RNF31: variants seen among roughly 807,000 people sequenced by gnomAD.
The protein encoded by RNF31 is ring finger protein 31.
RNF31 carries 38 observed loss-of-function variants against 133.6 expected under a neutral mutation model. That is an observed-to-expected ratio of 0.28 (90% CI 0.22 to 0.37). The LOEUF (loss-of-function observed/expected upper bound fraction) is 0.37, where lower values mean the gene tolerates loss of function less well. Among genes scored for constraint, RNF31 ranks in the 10% least tolerant of loss-of-function variants. RNF31 has a pLI of 1.00. For synonymous variants in RNF31, 582 were observed against 552.3 expected, an observed-to-expected ratio of 1.05 and a Z score of -0.75; for missense variants, 1,118 against 1,394.1, an observed-to-expected ratio of 0.80 and a Z score of 3.15.
intron 11 of RNF31, chr14:24,154,818 C>A: frequency 5.7e-6 from 2 of 350,828 alleles, no homozygotes; most frequent in South Asian, 6.4e-5. Context: ...TAGTTATACC[C>A]TTCTGCCCCC....
At position 24,158,198 on chromosome 14, in the gene RNF31, A is replaced by G; in HGVS notation, c.2898A>G (p.Gly966=). 2 of 1,614,078 alleles carry G rather than the reference A, an allele frequency of 1.2e-6. No homozygotes were observed. The highest frequency in any genetic ancestry group is 1.7e-6 in the Non-Finnish European group (2 of 1,179,930). The change falls in exon 18 of 21, where the codon GGA becomes GGG. Residue 966 remains glycine, a splice_region_variant and synonymous_variant. Transcript: ENST00000324103. Reference sequence around the variant, plus strand: ...CAGCTGGGGCCCGGGCAGTCCCTGGAGGTGAGTGTTAGGACAAGCCTTTGA... The same window carrying G: ...CAGCTGGGGCCCGGGCAGTCCCTGGGGGTGAGTGTTAGGACAAGCCTTTGA... ...EPPAGARAVP[G]GGCRVIEQKE...
At position 24,155,764 on chromosome 14, in the gene RNF31, T is replaced by G; in HGVS notation, c.2493+72T>G. ...GGTACTGTGTTAGACTCAGGGGAGT[T>G]TGTGTACTGGAGAGCAAAACAGACA... On this transcript the variant is annotated intron_variant, in intron 14 of 20. Coordinates refer to ENST00000324103, the MANE Select transcript of RNF31 (RefSeq NM_017999.5). The surrounding 1 kb of genome is among the most constrained non-coding windows in gnomAD (Gnocchi z 4.9). 3 of 1,384,188 alleles carry G rather than the reference T, an allele frequency of 2.2e-6. No individual in the cohort carries two copies. The African/African-American group carries it at 4.2e-5, about 20-fold the overall frequency. The allele number at this position is 1,384,188 out of a possible 1,614,324, so 85.7% of individuals were successfully genotyped here. A position where few individuals can be genotyped will look rare whatever the true frequency, so the allele number is the denominator to read the frequency against.
At position 24,151,643 on chromosome 14, in the gene RNF31, C is replaced by T. The variant is rs911223059; in HGVS notation, c.1896C>T (p.Thr632=). The change falls in exon 10 of 21, where the codon ACC becomes ACT. Residue 632 remains threonine (T), a synonymous_variant. Coordinates refer to ENST00000324103, the MANE Select transcript of RNF31 (RefSeq NM_017999.5). The surrounding 1 kb of genome is among the most constrained non-coding windows in gnomAD (Gnocchi z 5.3). Reference sequence around the variant, plus strand: ...TCTGGGACAGTGGCCCTGAGCCCACCCCTTCCTGGGATGGGCCAGACAAGC... The same window carrying T: ...TCTGGGACAGTGGCCCTGAGCCCACTCCTTCCTGGGATGGGCCAGACAAGC... ...QRLWDSGPEP[T]PSWDGPDKQS... 7 of 1,612,086 alleles carry T rather than the reference C, an allele frequency of 4.3e-6. No individual in the cohort carries two copies. In the South Asian group the frequency reaches 4.4e-5, roughly 10 times the overall value.
Position 24,148,238 on chromosome 14 carries a change from C to T in RNF31, c.340-20C>T. The T allele has an allele frequency of 6.2e-7, 1 of 1,614,020 alleles. No individual in the cohort carries two copies. The highest frequency in any genetic ancestry group is 8.5e-7 in the Non-Finnish European group (1 of 1,179,968). ...AGGCAGGAAACCTCCTGGGTGGTGACTCGTTTGAATGTGTGGCAGGGGGGC... is the reference window on the plus strand; with the variant it reads ...AGGCAGGAAACCTCCTGGGTGGTGATTCGTTTGAATGTGTGGCAGGGGGGC... On this transcript the variant is annotated intron_variant, in intron 2 of 20. Coordinates refer to ENST00000324103, the MANE Select transcript of RNF31 (RefSeq NM_017999.5).
At chr14:24,152,479 A>G (rs1329735137) in intron 11 of RNF31, among the ~76,000 whole-genome samples, 5 of 151,964 alleles carry the variant, frequency 3.3e-5, no homozygotes, top group Admixed American at 6.6e-5. Context: ...CTGGAGTGCA[A>G]TGGCGTGATC....
Position 24,155,084 on chromosome 14 carries a change from C to A in RNF31, c.2131-73C>A. On this transcript the variant is annotated intron_variant, in intron 11 of 20. Coordinates refer to ENST00000324103, the MANE Select transcript of RNF31 (RefSeq NM_017999.5). The surrounding 1 kb of genome is among the most constrained non-coding windows in gnomAD (Gnocchi z 4.9). ...TAGACCCTGATTTCTTAGTGGACAC[C>A]TGGCCACTGCCTCTTCCCTAGCCTG... is the stretch of plus-strand genomic sequence containing the variant. 1 of 1,460,528 alleles carries A rather than the reference C, an allele frequency of 6.8e-7. No homozygotes were observed. Among genetic ancestry groups the A allele is most frequent in the Non-Finnish European group, 9.5e-7 (1 of 1,057,196 alleles). The allele number at this position is 1,460,528 out of a possible 1,614,324, so 90.5% of individuals were successfully genotyped here.
chr14:24,151,020 T>C lies in RNF31; in HGVS notation c.1489-111T>C. On this transcript the variant is annotated intron_variant, in intron 8 of 20. Coordinates refer to ENST00000324103, the MANE Select transcript of RNF31 (RefSeq NM_017999.5). This position sits in a 1 kb window ranked among gnomAD's most constrained non-coding sequence, Gnocchi z 5.3. ...CTGTTACTGAGGCAGTTACCATTGCTGTACACTGATGACATGATCCATATG... is the reference window on the plus strand; with the variant it reads ...CTGTTACTGAGGCAGTTACCATTGCCGTACACTGATGACATGATCCATATG... 6.5e-7 allele frequency: 1 copy of C among 1,538,714 alleles called. No individual in the cohort carries two copies. Among genetic ancestry groups the C allele is most frequent in the Non-Finnish European group, 8.8e-7 (1 of 1,136,548 alleles).
Position 24,151,060 on chromosome 14 carries a change from C to A in RNF31, c.1489-71C>A. On this transcript the variant is annotated intron_variant, in intron 8 of 20. Coordinates refer to ENST00000324103, the MANE Select transcript of RNF31 (RefSeq NM_017999.5). This position sits in a 1 kb window ranked among gnomAD's most constrained non-coding sequence, Gnocchi z 5.3. ...TGATCCATATGTCTGAGCTGAGCCA[C>A]TGTCACCATCTTAGTTCAGGCTGAG... The A allele has an allele frequency of 6.3e-7, 1 of 1,591,928 alleles. No individual in the cohort carries two copies. The highest frequency in any genetic ancestry group is 8.6e-7 in the Non-Finnish European group (1 of 1,167,290).
At chr14:24,156,781 A>C (rs138554002) in intron 14 of RNF31, among the ~76,000 whole-genome samples, 6,611 of 151,832 alleles carry the variant, frequency 0.044, 477 homozygotes, top group African/African-American at 0.15. Flanking sequence ...TCCATCTCAA[A>C]AAAAAAAAAA....
chr14:24,148,595 T>C lies in RNF31; in HGVS notation c.496-47T>C. On this transcript the variant is annotated intron_variant, in intron 3 of 20. Coordinates refer to ENST00000324103, the MANE Select transcript of RNF31 (RefSeq NM_017999.5). ...GGACCAGGGCTTAGAGGGAGGGCTT[T>C]GTTCTAGGGGTCTAGCTGGAAACCG... The C allele has an allele frequency of 1.9e-6, 3 of 1,606,502 alleles. No homozygotes were observed. The East Asian group carries it at 6.7e-5, about 36-fold the overall frequency.
Position 24,150,080 on chromosome 14 carries a change from C to A in RNF31, c.829C>A (p.Pro277Thr). The change falls in exon 7 of 21, where the codon CCA becomes ACA. Residue 277 changes from proline to threonine, a missense_variant. Physicochemically the swap from Pro to Thr is conservative, Grantham distance 38 (BLOSUM62 -1). Transcript: ENST00000324103. Reference sequence around the variant, plus strand: ...TTACAGTTTACCTGCCTCAGCCCAACCACGGCCCCAGTCGACCTCCCTGCT... The same window carrying A: ...TTACAGTTTACCTGCCTCAGCCCAAACACGGCCCCAGTCGACCTCCCTGCT... ...LSPSLPASAQPRPQSTSLLAL... is the reference protein window; with the variant it reads ...LSPSLPASAQTRPQSTSLLAL... 6.3e-7 allele frequency: 1 copy of A among 1,588,448 alleles called. No individual in the cohort carries two copies. The highest frequency in any genetic ancestry group is 8.6e-7 in the Non-Finnish European group (1 of 1,164,684).
intron 14 of RNF31, 30 bp from the exon 15 acceptor site, chr14:24,157,260 C>G (rs1224220760): frequency 6.5e-7 from 1 of 1,548,860 alleles, no homozygotes; most frequent in South Asian, 1.2e-5. Context: ...GGATAGAGCT[C>G]CCATGTGAAG....
chr14:24,149,719 A>G (rs2038234013), intron 6 of RNF31, 136 bp downstream of exon 6: 4 of 915,914 alleles, frequency 4.4e-6, no homozygotes, highest in South Asian at 1.7e-5. Context: ...TGAAAGAGAT[A>G]ATAGACATAC....
chr14:24,154,298 C>T (rs1594379664), intron 11 of RNF31, among the ~76,000 whole-genome samples: 5 of 152,350 alleles, frequency 3.3e-5, no homozygotes, highest in Admixed American at 3.3e-4. Context: ...GCTGGGATTA[C>T]AGGCATGCGC....
At position 24,151,194 on chromosome 14, in the gene RNF31, G is replaced by C. The variant is rs763406899; in HGVS notation, c.1552G>C (p.Glu518Gln). ...CTCGGCTCTGCAGTACTCGGGCACTGAGGTGCCTCTGCAGTGGTTGCGCTC... is the reference window on the plus strand; with the variant it reads ...CTCGGCTCTGCAGTACTCGGGCACTCAGGTGCCTCTGCAGTGGTTGCGCTC... ...IFSALQYSGT[E>Q]VPLQWLRSEL... The change falls in exon 9 of 21, where the codon GAG (glutamate) becomes CAG (glutamine). Residue 518 changes from glutamate to glutamine, a missense_variant. Around this residue, in one of 3 missense-constraint regions of RNF31, gnomAD observed 747 missense variants for 827.9 expected, o/e 0.90. Coordinates refer to ENST00000324103, the MANE Select transcript of RNF31 (RefSeq NM_017999.5). The surrounding 1 kb of genome is among the most constrained non-coding windows in gnomAD (Gnocchi z 5.3). 3 of 1,614,184 alleles carry C rather than the reference G, an allele frequency of 1.9e-6. No individual in the cohort carries two copies. In the South Asian group the frequency reaches 3.3e-5, roughly 18 times the overall value.
chr14:24,160,176 T>C lies in RNF31; in HGVS notation c.2997-63T>C, dbSNP rs1300536417. Reference sequence around the variant, plus strand: ...GTCCAGGTGTCTCAGAGTCCAGCTATGTTAGACACACTCAGTTAATATTAG... The same window carrying C: ...GTCCAGGTGTCTCAGAGTCCAGCTACGTTAGACACACTCAGTTAATATTAG... On this transcript the variant is annotated intron_variant, in intron 19 of 20. Coordinates refer to ENST00000324103, the MANE Select transcript of RNF31 (RefSeq NM_017999.5). The surrounding 1 kb of genome is among the most constrained non-coding windows in gnomAD (Gnocchi z 4.0). 1 of 1,552,176 alleles carries C rather than the reference T, an allele frequency of 6.4e-7. No individual in the cohort carries two copies. The highest frequency in any genetic ancestry group is 2.3e-5 in the East Asian group (1 of 44,334).
chr14:24,149,131 T>C (rs1240990527), intron 5 of RNF31: 2 of 590,554 alleles, frequency 3.4e-6, no homozygotes, highest in Non-Finnish European at 6.0e-6. Context: ...GCTCGGCTAA[T>C]TTTGTATTTT....
At position 24,155,229 on chromosome 14, in the gene RNF31, AAGG is replaced by A; in HGVS notation, c.2206_2208del (p.Glu736del). Reference sequence around the variant, plus strand: ...CCGCCAGCACTTCACCATCGCCTTGAAGGAGAAGCACATCACAGACATGGTGTG... The same window carrying A: ...CCGCCAGCACTTCACCATCGCCTTGAAGAAGCACATCACAGACATGGTGTG... On this transcript the variant is annotated inframe_deletion, in exon 12 of 21. Transcript: ENST00000324103. This position sits in a 1 kb window ranked among gnomAD's most constrained non-coding sequence, Gnocchi z 4.9. 6.2e-7 allele frequency: 1 copy of A among 1,614,082 alleles called. No individual in the cohort carries two copies. The highest frequency in any genetic ancestry group is 8.5e-7 in the Non-Finnish European group (1 of 1,180,016).
At chr14:24,150,564 CCAGT>C (rs1308793662) in intron 7 of RNF31, 30 bp from the exon 8 acceptor site, 12 of 1,589,414 alleles carry the variant, frequency 7.5e-6, no homozygotes, top group Non-Finnish European at 9.5e-6. Flanking sequence ...CTTCAGCCAG[CCAGT>C]CAAAGGGATA....
Sources: gnomAD v4.1 joint callset for allele counts (sites outside exome capture counted in the v4.1 genomes callset) on GRCh38, gnomAD v4.1.1 for gene constraint, gnomAD v4.1.1 regional missense constraint, Gnocchi (gnomAD v3.1) non-coding constraint, MANE v1.5 for transcripts, NCBI Gene and HGNC (gene_info 2026-07-23, HGNC 2026-07-21) for gene names.